RFTN2: variants seen among roughly 807,000 people sequenced by gnomAD.
RFTN2 encodes the protein raftlin-2.
Under a neutral mutation model 52.7 loss-of-function variants are expected in RFTN2, and 34 were observed. The observed-to-expected ratio is 0.64, with a 90% CI of 0.49 to 0.86. RFTN2 has a LOEUF of 0.86. RFTN2 is among the 40% of genes least tolerant of loss of function. The pLI is 0.00. For missense variants in RFTN2, 536 were observed against 600.1 expected, an observed-to-expected ratio of 0.89 and a Z score of 1.12; for synonymous variants, 203 against 217.7, an observed-to-expected ratio of 0.93 and a Z score of 0.59.
At chr2:197,646,805 T>C (rs1234556905) in intron 1 of RFTN2, 139 bp from the exon 2 acceptor site, 3 of 627,860 alleles carry the variant, frequency 4.8e-6, no homozygotes, top group Non-Finnish European at 7.8e-6. Flanking sequence ...ATCCCAGCAC[T>C]TTGGAAGGCT....
intron 1 of RFTN2, among the ~76,000 whole-genome samples, chr2:197,662,160 T>C (rs1263163469): frequency 1.3e-5 from 2 of 152,220 alleles, no homozygotes; most frequent in Admixed American, 1.3e-4. Context: ...CTATTTTTAT[T>C]TTAGGTGCCT....
chr2:197,572,007 C>T lies in RFTN2; in HGVS notation c.*1G>A, dbSNP rs907417830. ...GGCCTTCCTTTGCTTCACCTCATGG[C>T]TCACATACAAGTGACCTGAGTCACT... On this transcript the variant is annotated 3_prime_UTR_variant, in exon 9 of 9. Transcript: ENST00000295049. 3 of 1,613,108 alleles carry T rather than the reference C, an allele frequency of 1.9e-6. No individual in the cohort carries two copies. Among genetic ancestry groups the T allele is most frequent in the Non-Finnish European group, 2.5e-6 (3 of 1,179,126 alleles).
At chr2:197,631,536 T>C (rs1378538717) in intron 4 of RFTN2, among the ~76,000 whole-genome samples, 1 of 152,198 alleles carries the variant, frequency 6.6e-6, no homozygotes, top group Non-Finnish European at 1.5e-5. Flanking sequence ...ATGTGTAACA[T>C]TTTACAGTTT....
At chr2:197,639,386 G>A (rs1384843579) in intron 3 of RFTN2, among the ~76,000 whole-genome samples, 2 of 151,974 alleles carry the variant, frequency 1.3e-5, no homozygotes, top group Admixed American at 1.3e-4. Context: ...CCAGCCAGAC[G>A]TAGATTTGGT....
intron 5 of RFTN2, among the ~76,000 whole-genome samples, chr2:197,629,700 A>ACACACACATT (rs1553602918): frequency 4.5e-4 from 49 of 109,416 alleles, no homozygotes; most frequent in African/African-American, 1.4e-3. Context: ...ACACACACAC[A>ACACACACATT]TATTTATTTT....
chr2:197,628,793 T>C (rs966595130), intron 5 of RFTN2, among the ~76,000 whole-genome samples: 2 of 152,262 alleles, frequency 1.3e-5, no homozygotes, highest in African/African-American at 2.4e-5. Flanking sequence ...ACATTTATTA[T>C]ATCTTGTTAC....
chr2:197,659,238 C>T (rs1379469361), intron 1 of RFTN2, among the ~76,000 whole-genome samples: 4 of 152,088 alleles, frequency 2.6e-5, no homozygotes, highest in African/African-American at 9.7e-5. Context: ...TGATGGCTCA[C>T]ACCTGTAATC....
At position 197,665,517 on chromosome 2, in the gene RFTN2, CTT is replaced by C; in HGVS notation, c.139+9801_139+9802del. Reference sequence around the variant, plus strand: ...ATTCCTTTATCATTATGTACCTTGCCTTTTTTTTTTTTTTTTACTGTTTTCGA... The same window carrying C: ...ATTCCTTTATCATTATGTACCTTGCCTTTTTTTTTTTTTTACTGTTTTCGA... On this transcript the variant is annotated intron_variant, in intron 1 of 8. Transcript: ENST00000295049. 2.3e-3 allele frequency among the ~76,000 whole-genome samples: 95 copies of C among 41,490 alleles called. 5 individuals carry two copies. Among genetic ancestry groups the C allele is most frequent in the African/African-American group, 0.01 (72 of 7,106 alleles). The allele number at this position is 41,490 out of a possible 152,430, so 27.2% of individuals were successfully genotyped here. A position where few individuals can be genotyped will look rare whatever the true frequency, so the allele number is the denominator to read the frequency against.
chr2:197,629,675 T>TAC (rs60384360), intron 5 of RFTN2, among the ~76,000 whole-genome samples: 57,723 of 146,384 alleles, frequency 0.39, 11,996 homozygotes, highest in Middle Eastern at 0.56. Flanking sequence ...TTAATTTTTA[T>TAC]ACACACACAC....
chr2:197,665,866 T>C (rs1367295763), intron 1 of RFTN2, among the ~76,000 whole-genome samples: 1 of 152,222 alleles, frequency 6.6e-6, no homozygotes, highest in Non-Finnish European at 1.5e-5. Flanking sequence ...TTTATCATTG[T>C]AGCTTGGTGG....
rs1332238822 is a variant in RFTN2, at chr2:197,568,965, C to T, written c.*3043G>A. On this transcript the variant is annotated 3_prime_UTR_variant, in exon 9 of 9. Transcript: ENST00000295049. The stretch of plus-strand genomic sequence containing the variant: ...ACTGTAGCTCTGTCTCCTGCTTCTC[C>T]TCCTCCTGAAAGCCCTAGAATCTCT... 1 of 150,230 alleles carries T rather than the reference C, an allele frequency of 6.7e-6. No individual in the cohort carries two copies. The highest frequency in any genetic ancestry group is 1.9e-4 in the East Asian group (1 of 5,206). 9.3% of individuals were successfully genotyped at this position (150,230 alleles called of 1,614,324 possible).
At chr2:197,629,505 T>G (rs1167096748) in intron 5 of RFTN2, among the ~76,000 whole-genome samples, 1 of 151,990 alleles carries the variant, frequency 6.6e-6, no homozygotes, top group Non-Finnish European at 1.5e-5. Flanking sequence ...AATGACGATT[T>G]GATGGGTGCG....
intron 7 of RFTN2, among the ~76,000 whole-genome samples, chr2:197,602,511 T>C (rs1188309534): frequency 6.6e-6 from 1 of 152,172 alleles, no homozygotes; most frequent in Non-Finnish European, 1.5e-5. Context: ...GAGAAAGTTG[T>C]TCTACATTCT....
At chr2:197,640,295 T>G (rs2088643077) in intron 3 of RFTN2, among the ~76,000 whole-genome samples, 1 of 152,084 alleles carries the variant, frequency 6.6e-6, no homozygotes. Flanking sequence ...TTTGTTTACC[T>G]AAGGAAGCCT....
In RFTN2 at chr2:197,572,234, G is replaced by C. The variant is rs763120159; in HGVS notation, c.1280C>G (p.Thr427Ser). ...HIKGEDKNKA[T>S]SRSIGLDTTS... Reference sequence around the variant, plus strand: ...TGTGTCTAATCCGATGCTTCTACTAGTGGCTTTATTCTTGTCTTCACCTTT... The same window carrying C: ...TGTGTCTAATCCGATGCTTCTACTACTGGCTTTATTCTTGTCTTCACCTTT... Residue 427 changes from threonine to serine, a missense_variant, in exon 9 of 9, where the codon ACT (threonine) becomes AGT (serine). Physicochemically the swap from Thr to Ser is moderately conservative, Grantham distance 58 (BLOSUM62 1). Transcript: ENST00000295049. 8 of 1,614,120 alleles carry C rather than the reference G, an allele frequency of 5.0e-6. No individual in the cohort carries two copies. The South Asian group carries it at 5.5e-5, about 11-fold the overall frequency.
chr2:197,617,581 G>A (rs1335617298), intron 6 of RFTN2, among the ~76,000 whole-genome samples: 1 of 152,014 alleles, frequency 6.6e-6, no homozygotes, highest in Non-Finnish European at 1.5e-5. Context: ...CTGGGAGGCT[G>A]AGGTTGGAGA....
intron 5 of RFTN2, among the ~76,000 whole-genome samples, chr2:197,629,703 T>C (rs1170784664): frequency 5.1e-4 from 5 of 9,878 alleles, no homozygotes; most frequent in Non-Finnish European, 3.2e-3. Flanking sequence ...CACACACATA[T>C]TTATTTTATT....
At position 197,589,006 on chromosome 2, in the gene RFTN2, G is replaced by A. The variant is rs116358167; in HGVS notation, c.1233+6985C>T. 9.2e-3 allele frequency among the ~76,000 whole-genome samples: 1,396 copies of A among 152,038 alleles called. 27 individuals carry two copies. Among genetic ancestry groups the A allele is most frequent in the African/African-American group, 0.032 (1,328 of 41,492 alleles). On this transcript the variant is annotated intron_variant, in intron 8 of 8. Coordinates refer to ENST00000295049, the MANE Select transcript of RFTN2 (RefSeq NM_144629.3). ...TGGGAGGCCAAGGCAGGTGGACCACGAGGTCAGGAGTTTGAACCAGCCTGG... is the reference window on the plus strand; with the variant it reads ...TGGGAGGCCAAGGCAGGTGGACCACAAGGTCAGGAGTTTGAACCAGCCTGG...
At chr2:197,578,928 C>T (rs913208209) in intron 8 of RFTN2, among the ~76,000 whole-genome samples, 5 of 152,176 alleles carry the variant, frequency 3.3e-5, no homozygotes, top group Admixed American at 6.5e-5. Context: ...ATCAAGTAAG[C>T]GGCCTCTTTT....
Sources: allele counts gnomAD v4.1 joint callset (sites outside exome capture counted in the v4.1 genomes callset), GRCh38; gene constraint gnomAD v4.1.1; transcripts MANE v1.5; gene names NCBI Gene and HGNC (gene_info 2026-07-23, HGNC 2026-07-21).